ASCC3: variants seen among roughly 807,000 people sequenced by gnomAD.
ASCC3 encodes the protein ASC-1 complex subunit P200.
ASCC3 carries 158 observed loss-of-function variants against 256.3 expected under a neutral mutation model. The observed-to-expected ratio is 0.62, with a 90% CI of 0.54 to 0.70. ASCC3 has a LOEUF of 0.70. ASCC3 is among the 30% of genes least tolerant of loss of function. ASCC3 has a pLI of 0.00. For missense variants in ASCC3, 2,259 were observed against 2,626.0 expected (o/e 0.86, Z 3.05); for synonymous variants, 948 against 883.4 (o/e 1.07, Z -1.30).
rs556032585 is a variant in ASCC3, at chr6:100,824,603, A to C, written c.802-18723T>G. Among the ~76,000 whole-genome samples the C allele has an allele frequency of 5.9e-5, 9 of 152,274 alleles. No individual in the cohort carries two copies. The East Asian group carries it at 1.5e-3, about 26-fold the overall frequency. ...ATGTCAATATTGAGATCAGCCACTA[A>C]AGTTATTATTCAAGGATTGTTCATC... On this transcript the variant is annotated intron_variant, in intron 4 of 41. Coordinates refer to ENST00000369162, the MANE Select transcript of ASCC3 (RefSeq NM_006828.4).
At chr6:100,585,418 C>T (rs1340085095) in intron 36 of ASCC3, among the ~76,000 whole-genome samples, 3 of 152,298 alleles carry the variant, frequency 2.0e-5, no homozygotes, top group East Asian at 1.9e-4. Flanking sequence ...CGAGCCTTGG[C>T]TTTCAGCTCC....
At chr6:100,681,015 G>A (rs1049045434) in intron 13 of ASCC3, among the ~76,000 whole-genome samples, 1 of 152,172 alleles carries the variant, frequency 6.6e-6, no homozygotes, top group Admixed American at 6.5e-5. Context: ...AAAGGAGACA[G>A]GGTGACACAA....
intron 36 of ASCC3, among the ~76,000 whole-genome samples, chr6:100,562,465 C>G (rs1318329527): frequency 6.6e-6 from 1 of 151,992 alleles, no homozygotes; most frequent in Non-Finnish European, 1.5e-5. Context: ...CTTGAAAGAG[C>G]TTTTCAAAAT....
rs1771478201 is a variant in ASCC3, at chr6:100,583,951, A to T, written c.5550+5683T>A. ...GTTTGATTGCATTGTGGTCTGAGAG[A>T]TAGTTTGTTATAATTTCTGTTGTTT... On this transcript the variant is annotated intron_variant, in intron 36 of 41. Coordinates refer to ENST00000369162, the MANE Select transcript of ASCC3 (RefSeq NM_006828.4). Among the ~76,000 whole-genome samples the T allele has an allele frequency of 2.0e-5, 3 of 152,160 alleles. No homozygotes were observed. In the South Asian group the frequency reaches 6.2e-4, roughly 32 times the overall value.
chr6:100,800,437 A>G lies in ASCC3; in HGVS notation c.990T>C (p.Ser330=). The part of the protein sequence containing the change: ...PNYGCQVTIQ[S]EQEKQLMKQY... ...GTTTCATTAACTGCTTTTCTTGTTC[A>G]GACTGAATAGTGACTTGACAACCAT... Residue 330 remains serine (S), a synonymous_variant, in exon 6 of 42, where the codon TCT becomes TCC. Coordinates refer to ENST00000369162, the MANE Select transcript of ASCC3 (RefSeq NM_006828.4). 2 of 1,612,500 alleles carry G rather than the reference A, an allele frequency of 1.2e-6. No individual in the cohort carries two copies. Among genetic ancestry groups the G allele is most frequent in the Non-Finnish European group, 1.7e-6 (2 of 1,179,202 alleles).
At chr6:100,774,441 C>CG (rs1291098521) in intron 8 of ASCC3, among the ~76,000 whole-genome samples, 2 of 152,212 alleles carry the variant, frequency 1.3e-5, no homozygotes, top group South Asian at 2.1e-4. Flanking sequence ...TCTTGGCTCA[C>CG]GGCAACCTCC....
At chr6:100,872,644 C>T (rs1773802221) in intron 1 of ASCC3, among the ~76,000 whole-genome samples, 1 of 152,024 alleles carries the variant, frequency 6.6e-6, no homozygotes, top group Non-Finnish European at 1.5e-5. Flanking sequence ...CCTGCAGGGC[C>T]CAGGATATAC....
intron 3 of ASCC3, among the ~76,000 whole-genome samples, chr6:100,853,550 C>T (rs1210878830): frequency 6.6e-6 from 1 of 151,610 alleles, no homozygotes; most frequent in Non-Finnish European, 1.5e-5. Context: ...CTGCAACCTT[C>T]GCCTCCTGGG....
At position 100,767,209 on chromosome 6, in the gene ASCC3, A is replaced by C; in HGVS notation, c.1532T>G (p.Leu511Arg). The C allele has an allele frequency of 6.2e-7, 1 of 1,614,142 alleles. No individual in the cohort carries two copies. Among genetic ancestry groups the C allele is most frequent in the Non-Finnish European group, 8.5e-7 (1 of 1,180,006 alleles). ...TGAGKTNIAM[L>R]TVLHEIRQHF... The stretch of plus-strand genomic sequence containing the variant: ...TTGGCGAATTTCATGCAAGACTGTC[A>C]GCATTGCAATGTTGGTTTTTCCAGC... The change falls in exon 9 of 42, where the codon CTG becomes CGG. Residue 511 changes from leucine to arginine, a missense_variant. Transcript: ENST00000369162.
At chr6:100,684,960 C>A (rs1777497994) in intron 13 of ASCC3, among the ~76,000 whole-genome samples, 1 of 151,946 alleles carries the variant, frequency 6.6e-6, no homozygotes, top group Admixed American at 6.6e-5. Context: ...GCACCCGCCA[C>A]CACGCCCGGC....
intron 4 of ASCC3, among the ~76,000 whole-genome samples, chr6:100,838,607 G>T (rs1582942807): frequency 6.6e-6 from 1 of 151,968 alleles, no homozygotes; most frequent in African/African-American, 2.4e-5. Flanking sequence ...AATTTACAAA[G>T]CTAAAACCAA....
At chr6:100,738,797 T>C (rs1339929865) in intron 10 of ASCC3, among the ~76,000 whole-genome samples, 1 of 152,198 alleles carries the variant, frequency 6.6e-6, no homozygotes, top group Admixed American at 6.5e-5. Flanking sequence ...TTTTTTATCC[T>C]GAGATATTGC....
intron 10 of ASCC3, among the ~76,000 whole-genome samples, chr6:100,752,317 C>A (rs1403609615): frequency 1.3e-5 from 2 of 152,012 alleles, no homozygotes; most frequent in Admixed American, 6.6e-5. Flanking sequence ...GAGGGCAAAG[C>A]TAATGAGATT....
intron 16 of ASCC3, 122 bp from the exon 17 acceptor site, chr6:100,655,940 G>T: frequency 1.7e-6 from 2 of 1,151,064 alleles, no homozygotes; most frequent in Middle Eastern, 2.0e-4. Flanking sequence ...TTTTAAAAAG[G>T]TAGGCATAGT....
chr6:100,715,564 T>C, intron 12 of ASCC3, 31 bp from the exon 13 acceptor site: 1 of 1,567,090 alleles, frequency 6.4e-7, no homozygotes, highest in Non-Finnish European at 8.7e-7. Context: ...AAAAAAATCA[T>C]GTGAAACAAT....
intron 12 of ASCC3, among the ~76,000 whole-genome samples, chr6:100,717,002 A>G (rs1378708845): frequency 2.0e-5 from 3 of 150,108 alleles, no homozygotes; most frequent in African/African-American, 4.9e-5. Context: ...ATATTGAAAC[A>G]TAACTGAAAA....
At chr6:100,621,059 G>A (rs557005214) in intron 30 of ASCC3, among the ~76,000 whole-genome samples, 21 of 152,076 alleles carry the variant, frequency 1.4e-4, no homozygotes, top group East Asian at 3.9e-4. Flanking sequence ...AGATGGGCGC[G>A]GTGAAACAAA....
chr6:100,608,120 A>ATATATG (rs1773053413), intron 30 of ASCC3, among the ~76,000 whole-genome samples: 1 of 110,660 alleles, frequency 9.0e-6, no homozygotes, highest in Non-Finnish European at 1.8e-5. Flanking sequence ...ATATATATCT[A>ATATATG]TATATACATA....
chr6:100,695,288 A>C (rs190212449), intron 13 of ASCC3, among the ~76,000 whole-genome samples: 42 of 152,336 alleles, frequency 2.8e-4, no homozygotes, highest in African/African-American at 9.6e-4. Context: ...TGCAATATGC[A>C]ATCTTGGACA....
Sources: gnomAD v4.1 joint callset for allele counts (sites outside exome capture counted in the v4.1 genomes callset) on GRCh38, gnomAD v4.1.1 for gene constraint, MANE v1.5 for transcripts, NCBI Gene and HGNC (gene_info 2026-07-23, HGNC 2026-07-21) for gene names.